FCHSD2: variants seen among roughly 807,000 people sequenced by gnomAD.
The protein encoded by FCHSD2 is F-BAR and double SH3 domains protein 2.
FCHSD2 carries 38 observed loss-of-function variants against 108.1 expected under a neutral mutation model. The ratio of observed to expected loss-of-function variants is 0.35; its 90% confidence interval spans 0.27 to 0.46. FCHSD2 has a LOEUF of 0.46. FCHSD2 is among the 20% of genes least tolerant of loss of function. FCHSD2 has a pLI of 1.00. For missense variants in FCHSD2, 751 were observed against 897.8 expected (o/e 0.84, Z 2.09); for synonymous variants, 279 against 314.7 (o/e 0.89, Z 1.20).
intron 2 of FCHSD2, among the ~76,000 whole-genome samples, chr11:73,113,353 C>CTTTTTTTTTTTTTTT (rs35979371): frequency 3.3e-5 from 1 of 29,916 alleles, no homozygotes; most frequent in Non-Finnish European, 6.2e-5. Flanking sequence ...CCAAGATGGT[C>CTTTTTTTTTTTTTTT]TTTTTTTTTT....
intron 2 of FCHSD2, among the ~76,000 whole-genome samples, chr11:73,088,777 C>T (rs1859885195): frequency 6.6e-6 from 1 of 152,146 alleles, no homozygotes; most frequent in African/African-American, 2.4e-5. Flanking sequence ...AACTAGTTCA[C>T]ACTTTCACCA....
intron 12 of FCHSD2, among the ~76,000 whole-genome samples, chr11:72,877,143 T>A (rs1854987851): frequency 6.6e-6 from 1 of 151,956 alleles, no homozygotes; most frequent in East Asian, 1.9e-4. Context: ...TGCACCACCA[T>A]GCCCGGCTAA....
At chr11:72,874,455 G>A (rs957956284) in intron 12 of FCHSD2, among the ~76,000 whole-genome samples, 5 of 152,182 alleles carry the variant, frequency 3.3e-5, no homozygotes, top group Non-Finnish European at 5.9e-5. Context: ...CTCCCAAAAT[G>A]CTGGGATTAC....
At chr11:73,127,595 C>G (rs1860888566) in intron 2 of FCHSD2, among the ~76,000 whole-genome samples, 1 of 152,148 alleles carries the variant, frequency 6.6e-6, no homozygotes, top group Admixed American at 6.6e-5. Context: ...AAATGAACAT[C>G]TGGAGAATTT....
rs181837297 is a variant in FCHSD2, at chr11:72,910,435, G to A, written c.829-7797C>T. On this transcript the variant is annotated intron_variant, in intron 9 of 19. Transcript: ENST00000409418. Reference sequence around the variant, plus strand: ...GAGATCAGATTGTTACTGTGTCTGTGTAGAAAGAAGTAGACATAGGAGACT... The same window carrying A: ...GAGATCAGATTGTTACTGTGTCTGTATAGAAAGAAGTAGACATAGGAGACT... Among the ~76,000 whole-genome samples the A allele has an allele frequency of 3.6e-3, 545 of 152,306 alleles. 1 individual carries two copies. The highest frequency in any genetic ancestry group is 0.012 in the African/African-American group (517 of 41,576).
At chr11:72,907,392 G>C (rs796297848) in intron 9 of FCHSD2, among the ~76,000 whole-genome samples, 20 of 152,286 alleles carry the variant, frequency 1.3e-4, no homozygotes, top group African/African-American at 4.6e-4. Context: ...TGGTGAGAGA[G>C]AGCATCCTTA....
chr11:72,913,908 G>C (rs1855818762), intron 9 of FCHSD2, among the ~76,000 whole-genome samples: 1 of 150,256 alleles, frequency 6.7e-6, no homozygotes, highest in Non-Finnish European at 1.5e-5. Flanking sequence ...ACAAATCACT[G>C]CTGCTCAAAT....
Position 73,033,787 on chromosome 11 carries a change from C to T in FCHSD2, c.166-17902G>A, listed in dbSNP as rs559107823. 3.1e-3 allele frequency among the ~76,000 whole-genome samples: 467 copies of T among 152,244 alleles called. 1 individual carries two copies. Among genetic ancestry groups the T allele is most frequent in the African/African-American group, 0.011 (447 of 41,560 alleles). ...TTGCTGTGAATTAGTTATGAGTATT[C>T]TTGGATAAGACACCAAGCTAACTAG... is the stretch of plus-strand genomic sequence containing the variant. On this transcript the variant is annotated intron_variant, in intron 3 of 19. Transcript: ENST00000409418.
At chr11:72,979,467 G>A (rs985625231) in intron 8 of FCHSD2, among the ~76,000 whole-genome samples, 5 of 151,796 alleles carry the variant, frequency 3.3e-5, no homozygotes, top group Non-Finnish European at 7.4e-5. Context: ...GGTACACTGA[G>A]AATATTCCAT....
intron 8 of FCHSD2, among the ~76,000 whole-genome samples, chr11:72,952,662 A>C (rs766956560): frequency 6.6e-6 from 1 of 152,162 alleles, no homozygotes; most frequent in Admixed American, 6.5e-5. Flanking sequence ...GTTAAGATAC[A>C]TAAGAGCTTA....
chr11:73,073,689 C>T (rs911455569), intron 3 of FCHSD2, among the ~76,000 whole-genome samples: 1 of 152,146 alleles, frequency 6.6e-6, no homozygotes, highest in African/African-American at 2.4e-5. Flanking sequence ...CGTAATAATT[C>T]TATAAAATTA....
At chr11:73,073,526 A>G (rs1317435805) in intron 3 of FCHSD2, among the ~76,000 whole-genome samples, 1 of 152,178 alleles carries the variant, frequency 6.6e-6, no homozygotes, top group Non-Finnish European at 1.5e-5. Flanking sequence ...AAATTTTCCA[A>G]ATTGCTGTCA....
intron 8 of FCHSD2, among the ~76,000 whole-genome samples, chr11:72,969,599 C>A (rs564237149): frequency 6.6e-6 from 1 of 151,744 alleles, no homozygotes; most frequent in Non-Finnish European, 1.5e-5. Flanking sequence ...CAAGAAGCAT[C>A]GAAGATATAA....
chr11:72,855,408 G>A (rs1006255486), intron 13 of FCHSD2, among the ~76,000 whole-genome samples: 18 of 152,104 alleles, frequency 1.2e-4, no homozygotes, highest in African/African-American at 4.1e-4. Context: ...CCCGGGAGGC[G>A]GAGGTTGCAG....
chr11:72,985,890 A>AT (rs912504539), intron 6 of FCHSD2, among the ~76,000 whole-genome samples: 22 of 150,764 alleles, frequency 1.5e-4, no homozygotes, highest in Non-Finnish European at 2.1e-4. Flanking sequence ...AGGACCAGTG[A>AT]TTTTTTTTTT....
chr11:72,841,773 T>G (rs771809767), intron 17 of FCHSD2, among the ~76,000 whole-genome samples, 190 bp from the exon 18 acceptor site: 1 of 152,208 alleles, frequency 6.6e-6, no homozygotes, highest in Non-Finnish European at 1.5e-5. Flanking sequence ...GCACTTCACT[T>G]TTTCCTCTTA....
rs932403437 is a variant in FCHSD2 at position 73,061,043 on chromosome 11, T to C, written c.165+22652A>G. 3.9e-5 allele frequency among the ~76,000 whole-genome samples: 6 copies of C among 152,318 alleles called. No homozygotes were observed. The East Asian group carries it at 1.2e-3, about 29-fold the overall frequency. On this transcript the variant is annotated intron_variant, in intron 3 of 19. Coordinates refer to ENST00000409418, the MANE Select transcript of FCHSD2 (RefSeq NM_014824.3). ...GGCAAGATGGCCAAATAGGAACAGC[T>C]CTGGTCTGCAGCTCCCAGCAAGATC...
intron 2 of FCHSD2, among the ~76,000 whole-genome samples, chr11:73,106,578 A>T (rs1860350218): frequency 6.6e-6 from 1 of 152,162 alleles, no homozygotes; most frequent in Non-Finnish European, 1.5e-5. Context: ...GTAGATAAGA[A>T]TTTAACATTG....
intron 3 of FCHSD2, among the ~76,000 whole-genome samples, chr11:73,021,233 T>TAAA (rs1183952789): frequency 9.6e-6 from 1 of 104,332 alleles, no homozygotes. Context: ...AAACATAGAA[T>TAAA]AAAAAAAAAA....
Sources: gnomAD v4.1 joint callset for allele counts (sites outside exome capture counted in the v4.1 genomes callset) on GRCh38, gnomAD v4.1.1 for gene constraint, MANE v1.5 for transcripts, NCBI Gene and HGNC (gene_info 2026-07-23, HGNC 2026-07-21) for gene names.